Variants in GLS2 observed in about 807,000 individuals in gnomAD.
The protein encoded by GLS2 is glutaminase 2, also known as glutaminase liver isoform, mitochondrial.
A neutral mutation model predicts 79.0 loss-of-function variants in GLS2; 52 were observed. The observed-to-expected ratio is 0.66, with a 90% CI of 0.53 to 0.83. The LOEUF is 0.83. GLS2 is among the 40% of genes least tolerant of loss of function. GLS2 has a pLI of 0.00. For missense variants in GLS2, 561 were observed against 764.8 expected, an observed-to-expected ratio of 0.73 and a Z score of 3.14; for synonymous variants, 238 against 280.8, an observed-to-expected ratio of 0.85 and a Z score of 1.52.
In GLS2 at chr12:56,479,858, C is replaced by T. The variant is rs200363951; in HGVS notation, c.326G>A (p.Arg109Gln). Residue 109 changes from arginine (R) to glutamine (Q), a missense_variant, in exon 3 of 18, where the codon CGA becomes CAA. Physicochemically the swap from Arg to Gln is conservative, Grantham distance 43 (BLOSUM62 1). Transcript: ENST00000311966. ...GCGGTGCATCTCGCTCATGCAGTCTCGGAGCCGAGGATCTGATGTCTGCAG... is the reference window on the plus strand; with the variant it reads ...GCGGTGCATCTCGCTCATGCAGTCTTGGAGCCGAGGATCTGATGTCTGCAG... ...TGLQTSDPRL[R>Q]DCMSEMHRVV... 15 of 1,612,808 alleles carry T rather than the reference C, an allele frequency of 9.3e-6. No individual in the cohort carries two copies. Among genetic ancestry groups the T allele is most frequent in the East Asian group, 2.2e-5 (1 of 44,874 alleles).
At chr12:56,472,367 CAT>C in intron 15 of GLS2, 172 bp from the exon 16 acceptor site, 1 of 623,986 alleles carries the variant, frequency 1.6e-6, no homozygotes, top group Non-Finnish European at 2.8e-6. Context: ...CTGTTATACT[CAT>C]ATTAGAGAGA....
chr12:56,475,320 C>T (rs1170638783), intron 9 of GLS2: 6 of 1,287,288 alleles, frequency 4.7e-6, no homozygotes, highest in Admixed American at 4.9e-5. Flanking sequence ...AAACCAAACA[C>T]CCCAAACTGT....
chr12:56,475,855 G>C, intron 8 of GLS2, 90 bp downstream of exon 8: 1 of 1,455,350 alleles, frequency 6.9e-7, no homozygotes, highest in South Asian at 1.1e-5. Flanking sequence ...GGTGCACCTG[G>C]TAGTGGGGTT....
intron 10 of GLS2, 24 bp downstream of exon 10, chr12:56,475,020 T>C: frequency 6.2e-7 from 1 of 1,614,056 alleles, no homozygotes; most frequent in Non-Finnish European, 8.5e-7. Flanking sequence ...CCAGGGACTT[T>C]CTCTTCCGGC....
chr12:56,476,405 C>T (rs1050586156), intron 7 of GLS2: 7 of 215,394 alleles, frequency 3.2e-5, no homozygotes, highest in African/African-American at 1.6e-4. Context: ...TGTCTCCTAG[C>T]CCCACCCTAT....
At position 56,488,088 on chromosome 12, in the gene GLS2, G is replaced by C; in HGVS notation, c.31C>G (p.Leu11Val). Residue 11 changes from leucine to valine, a missense_variant, in exon 1 of 18, where the codon CTG becomes GTG. Leu to Val is a conservative substitution (Grantham distance 32). Around this residue, in one of 4 missense-constraint regions of GLS2, gnomAD observed 161 missense variants for 167.8 expected, o/e 0.96. Transcript: ENST00000311966. MRSMKALQKALSRAGSHCGRG... is the reference protein window; with the variant it reads MRSMKALQKAVSRAGSHCGRG... ...CCGCAGTGACTGCCAGCCCGGCTCA[G>C]GGCCTTCTGCAGAGCCTTCATGGAG... 9 of 1,567,240 alleles carry C rather than the reference G, an allele frequency of 5.7e-6. No homozygotes were observed. Among genetic ancestry groups the C allele is most frequent in the Non-Finnish European group, 7.7e-6 (9 of 1,163,390 alleles).
Position 56,471,545 on chromosome 12 carries a change from GT to G in GLS2, c.1750del (p.Thr584LeufsTer15). 6.2e-7 allele frequency: 1 copy of G among 1,614,174 alleles called. No homozygotes were observed. The highest frequency in any genetic ancestry group is 8.5e-7 in the Non-Finnish European group (1 of 1,180,036). ...DYQDSYTLSE[T>X]QAEAAAEALS... ...GGCCTCAGCTGCTGCCTCAGCCTGA[GT>G]TTCAGAGAGTGTGTAGGAGTCCTGG... On this transcript the variant is annotated frameshift_variant, in exon 18 of 18. Transcript: ENST00000311966. LOFTEE classifies it high-confidence loss of function.
In GLS2 at chr12:56,478,100, G is replaced by T; in HGVS notation, c.615-4C>A. On this transcript the variant is annotated splice_polypyrimidine_tract_variant and splice_region_variant and intron_variant, in intron 5 of 17. Transcript: ENST00000311966. ...CTTTGTGTGGCCCACAGAGTGCCTG[G>T]AGGCAGACAGATGCCATGAAAGGGG... 6.2e-7 allele frequency: 1 copy of T among 1,614,064 alleles called. No individual in the cohort carries two copies. Among genetic ancestry groups the T allele is most frequent in the Non-Finnish European group, 8.5e-7 (1 of 1,179,930 alleles).
In GLS2 at chr12:56,480,300, G is replaced by GT; in HGVS notation, c.269dup (p.His90GlnfsTer35). The GT allele has an allele frequency of 2.5e-6, 4 of 1,613,984 alleles. No homozygotes were observed. The highest frequency in any genetic ancestry group is 2.5e-6 in the Non-Finnish European group (3 of 1,179,840). On this transcript the variant is annotated frameshift_variant, in exon 2 of 18. Transcript: ENST00000311966. LOFTEE classifies it high-confidence loss of function. Reference sequence around the variant, plus strand: ...GAGGGCAACTTACAGTGGTGAACTTGTGGATAGGGATTCGTTCCTGTCCTT... The same window carrying GT: ...GAGGGCAACTTACAGTGGTGAACTTGTTGGATAGGGATTCGTTCCTGTCCTT...
At chr12:56,482,655 TC>T (rs1343712577) in intron 1 of GLS2, among the ~76,000 whole-genome samples, 4 of 152,226 alleles carry the variant, frequency 2.6e-5, no homozygotes, top group Non-Finnish European at 4.4e-5. Flanking sequence ...GCTAGCAAGG[TC>T]CCTGTGTCCC....
In GLS2 at chr12:56,479,199, T is replaced by C. The variant is rs375890455; in HGVS notation, c.405-18A>G. The stretch of plus-strand genomic sequence containing the variant: ...TCACACACCTGGATCCCAGACACGA[T>C]TGGATTAGGGGGCTAGAGAAATGCA... On this transcript the variant is annotated intron_variant, in intron 3 of 17. Coordinates refer to ENST00000311966, the MANE Select transcript of GLS2 (RefSeq NM_013267.4). 2.2e-4 allele frequency: 356 copies of C among 1,611,740 alleles called. No individual in the cohort carries two copies. Among genetic ancestry groups the C allele is most frequent in the East Asian group, 5.1e-4 (23 of 44,846 alleles).
intron 1 of GLS2, among the ~76,000 whole-genome samples, chr12:56,485,868 C>T (rs979652115): frequency 2.6e-5 from 4 of 151,678 alleles, no homozygotes; most frequent in Non-Finnish European, 5.9e-5. Flanking sequence ...ATGGTGAAAC[C>T]CCATCTCTAT....
intron 7 of GLS2, chr12:56,476,731 A>G (rs563089938): frequency 1.3e-5 from 2 of 151,510 alleles, no homozygotes; most frequent in South Asian, 4.2e-4. Flanking sequence ...AGCAGCTGGG[A>G]CCACAGGTGC....
At chr12:56,474,464 A>G (rs1869607346) in intron 12 of GLS2, 80 bp downstream of exon 12, 19 of 1,550,204 alleles carry the variant, frequency 1.2e-5, no homozygotes, top group East Asian at 2.3e-5. Flanking sequence ...ACAAGCTTCC[A>G]CCTCTATCTT....
chr12:56,471,976 G>A, intron 16 of GLS2, 140 bp from the exon 17 acceptor site: 1 of 1,262,560 alleles, frequency 7.9e-7, no homozygotes, highest in Non-Finnish European at 1.1e-6. Flanking sequence ...CTCAGTCATA[G>A]TCTAGCTGCA....
intron 14 of GLS2, chr12:56,473,008 G>C: frequency 1.7e-6 from 1 of 585,108 alleles, no homozygotes; most frequent in Non-Finnish European, 3.0e-6. Context: ...TCCTGCCTCA[G>C]CCTCCCAAGT....
rs749055013 is a variant in GLS2, at chr12:56,478,183, C to T, written c.614G>A (p.Arg205Gln). The T allele has an allele frequency of 6.2e-6, 10 of 1,614,066 alleles. No individual in the cohort carries two copies. The highest frequency in any genetic ancestry group is 1.7e-5 in the Admixed American group (1 of 60,000). ...GVSLCTVDGQ[R>Q]HSVGHTKIPF... ...CCCTTCCTCTTGCCCAGCATCTCAC[C>T]GTTGACCATCCACAGTGCACAGGGA... The change falls in exon 5 of 18, where the codon CGG (arginine) becomes CAG (glutamine). Residue 205 changes from arginine (R) to glutamine (Q), a missense_variant and splice_region_variant. Physicochemically the swap from Arg to Gln is conservative, Grantham distance 43 (BLOSUM62 1). Around this residue, in one of 4 missense-constraint regions of GLS2, gnomAD observed 221 missense variants for 275.6 expected, o/e 0.80. Transcript: ENST00000311966.
In GLS2 at chr12:56,479,131, A is replaced by G. The variant is rs1870081140; in HGVS notation, c.455T>C (p.Phe152Ser). 6.2e-7 allele frequency: 1 copy of G among 1,614,114 alleles called. No homozygotes were observed. The highest frequency in any genetic ancestry group is 1.3e-5 in the African/African-American group (1 of 75,026). The change falls in exon 4 of 18, where the codon TTT becomes TCT. Residue 152 changes from phenylalanine to serine, a missense_variant. Phe to Ser is a radical substitution (Grantham distance 155). Around this residue, in one of 4 missense-constraint regions of GLS2, gnomAD observed 43 missense variants for 92.8 expected, o/e 0.46. Coordinates refer to ENST00000311966, the MANE Select transcript of GLS2 (RefSeq NM_013267.4). ...GAACTCCTCAAAATCAGGAATGACAAACTTCTTTCGGAATGCCTGGGTCAG... is the reference window on the plus strand; with the variant it reads ...GAACTCCTCAAAATCAGGAATGACAGACTTCTTTCGGAATGCCTGGGTCAG... ...VLLTQAFRKKFVIPDFEEFTG... is the reference protein window; with the variant it reads ...VLLTQAFRKKSVIPDFEEFTG...
intron 7 of GLS2, chr12:56,476,771 T>A (rs1457943312): frequency 6.6e-6 from 1 of 152,106 alleles, no homozygotes; most frequent in Non-Finnish European, 1.5e-5. Context: ...ATTTTTTGTA[T>A]TTTTAGTAGA....
Sources: allele counts gnomAD v4.1 joint callset (sites outside exome capture counted in the v4.1 genomes callset), GRCh38; gene constraint gnomAD v4.1.1; regional missense constraint gnomAD v4.1.1; transcripts MANE v1.5; gene names NCBI Gene and HGNC (gene_info 2026-07-23, HGNC 2026-07-21).